The following DEDD2 variants were observed in gnomAD, a reference collection of about 807,000 sequenced individuals.
The protein encoded by DEDD2 is DNA-binding death effector domain-containing protein 2.
A neutral mutation model predicts 28.9 loss-of-function variants in DEDD2; 18 were observed. The observed-to-expected ratio is 0.62, with a 90% CI of 0.43 to 0.92. The LOEUF is 0.92. Among genes scored for constraint, DEDD2 ranks in the 40% least tolerant of loss-of-function variants. DEDD2 has a pLI of 0.00. For missense variants in DEDD2, 411 were observed against 463.3 expected, an observed-to-expected ratio of 0.89 and a Z score of 1.04; for synonymous variants, 211 against 206.1, an observed-to-expected ratio of 1.02 and a Z score of -0.20.
intron 1 of DEDD2, among the ~76,000 whole-genome samples, chr19:42,217,383 C>T (rs1412690057): frequency 6.6e-6 from 1 of 151,738 alleles, no homozygotes; most frequent in African/African-American, 2.4e-5. Context: ...ACTGCCCAGA[C>T]GAGCCCCTTT....
intron 3 of DEDD2, among the ~76,000 whole-genome samples, chr19:42,211,386 G>C (rs1316385300): frequency 2.2e-5 from 3 of 136,428 alleles, no homozygotes; most frequent in African/African-American, 8.0e-5. Context: ...CCCTCAAAGG[G>C]AGAAGGGAGA....
At chr19:42,203,421 T>C (rs1160493880) in intron 4 of DEDD2, among the ~76,000 whole-genome samples, 1 of 152,204 alleles carries the variant, frequency 6.6e-6, no homozygotes, top group Non-Finnish European at 1.5e-5. Context: ...TGAGCATTTA[T>C]GGAAGTCCAG....
intron 4 of DEDD2, among the ~76,000 whole-genome samples, chr19:42,207,155 AC>A (rs781132547): frequency 3.3e-5 from 5 of 151,720 alleles, no homozygotes; most frequent in Non-Finnish European, 7.4e-5. Context: ...ACCCCCTCAA[AC>A]CCTGCCGCGC....
intron 3 of DEDD2, among the ~76,000 whole-genome samples, chr19:42,210,403 T>C (rs1858514623): frequency 6.6e-6 from 1 of 152,110 alleles, no homozygotes; most frequent in African/African-American, 2.4e-5. Flanking sequence ...TTTCATACTT[T>C]TTTTTTTGAG....
intron 4 of DEDD2, among the ~76,000 whole-genome samples, chr19:42,206,516 GC>G (rs2035541538): frequency 6.6e-6 from 1 of 152,124 alleles, no homozygotes; most frequent in Non-Finnish European, 1.5e-5. Flanking sequence ...GCCAAGCTCT[GC>G]CCCCTGCCAC....
upstream of DEDD2, among the ~76,000 whole-genome samples, chr19:42,218,511 G>A (rs1260534275): frequency 1.3e-5 from 2 of 152,130 alleles, no homozygotes; most frequent in African/African-American, 4.8e-5. Flanking sequence ...GTCTGTCAGG[G>A]AGTCTAGGCT....
chr19:42,200,719 C>G (rs1284459495), intron 4 of DEDD2, among the ~76,000 whole-genome samples: 1 of 152,220 alleles, frequency 6.6e-6, no homozygotes, highest in Admixed American at 6.5e-5. Context: ...CTGAGGTCAT[C>G]ACATGAGCCC....
upstream of DEDD2, among the ~76,000 whole-genome samples, chr19:42,219,592 A>G (rs2036093748): frequency 6.6e-6 from 1 of 152,148 alleles, no homozygotes; most frequent in South Asian, 2.1e-4. Flanking sequence ...ACAGAGTGAG[A>G]CTCCGTCTCA....
intron 4 of DEDD2, among the ~76,000 whole-genome samples, chr19:42,201,073 C>T (rs1424873092): frequency 6.6e-6 from 1 of 152,214 alleles, no homozygotes; most frequent in African/African-American, 2.4e-5. Context: ...GCTTGAATCA[C>T]AGAAACTCAT....
At chr19:42,210,736 C>T (rs757863523) in intron 3 of DEDD2, among the ~76,000 whole-genome samples, 2 of 152,020 alleles carry the variant, frequency 1.3e-5, no homozygotes, top group Non-Finnish European at 2.9e-5. Flanking sequence ...AACTGATTTA[C>T]ACACTTAAAA....
Position 42,209,155 on chromosome 19 carries a change from T to C in DEDD2, c.589+545A>G, listed in dbSNP as rs187652043. ...ACTTGGGAGGCTGAGGCAGGAGAAC[T>C]GCTTGAACCCAGGAGGCGGAGGTTG... On this transcript the variant is annotated intron_variant, in intron 4 of 4. Transcript: ENST00000596251. 1.6e-3 allele frequency among the ~76,000 whole-genome samples: 247 copies of C among 152,100 alleles called. 3 individuals carry two copies. The highest frequency in any genetic ancestry group is 3.3e-3 in the Admixed American group (51 of 15,268).
rs910048172 is a variant in DEDD2, at chr19:42,199,346, G to C, written c.*92C>G. 26 of 1,435,936 alleles carry C rather than the reference G, an allele frequency of 1.8e-5. No individual in the cohort carries two copies. In the East Asian group the frequency reaches 4.5e-4, roughly 25 times the overall value. The allele number at this position is 1,435,936 out of a possible 1,614,324, so 88.9% of individuals were successfully genotyped here. Reference sequence around the variant, plus strand: ...CCTGTCGCAGTCCTCAAAGATGCTAGAGTGACAGTCCTCTAGGGGTAGAGA... The same window carrying C: ...CCTGTCGCAGTCCTCAAAGATGCTACAGTGACAGTCCTCTAGGGGTAGAGA... On this transcript the variant is annotated 3_prime_UTR_variant, in exon 5 of 5. Coordinates refer to ENST00000596251, the MANE Select transcript of DEDD2 (RefSeq NM_133328.4). The surrounding 1 kb of genome is among the most constrained non-coding windows in gnomAD (Gnocchi z 7.4).
At chr19:42,219,499 G>A (rs1246206053), upstream of DEDD2, among the ~76,000 whole-genome samples, 1 of 152,158 alleles carries the variant, frequency 6.6e-6, no homozygotes, top group African/African-American at 2.4e-5. Flanking sequence ...CTACTCGGGA[G>A]GCTAAGGCAG....
At chr19:42,217,588 G>C (rs147232456) in intron 1 of DEDD2, 44 bp downstream of exon 1, 1 of 157,386 alleles carries the variant, frequency 6.4e-6, no homozygotes, top group Admixed American at 6.5e-5. Flanking sequence ...AGGTGGTCCT[G>C]TCTACCCGCC....
chr19:42,214,993 A>G (rs2035906482), intron 3 of DEDD2, 140 bp downstream of exon 3: 2 of 1,265,688 alleles, frequency 1.6e-6, no homozygotes, highest in Non-Finnish European at 1.1e-6. Flanking sequence ...GAGTATCTGT[A>G]GCAATAAACA....
In DEDD2 at chr19:42,199,469, T is replaced by A; in HGVS notation, c.950A>T (p.Glu317Val). 1 of 1,610,380 alleles carries A rather than the reference T, an allele frequency of 6.2e-7. No individual in the cohort carries two copies. The highest frequency in any genetic ancestry group is 8.5e-7 in the Non-Finnish European group (1 of 1,178,650). ...GGCCTCTGTCGGGCGCCGCCCCCCT[T>A]CCTCCTCCATCAGCAACAGGCGGCG... is the stretch of plus-strand genomic sequence containing the variant. The part of the protein sequence containing the change: ...GRRRLLLMEE[E>V]GGRRPTEAS The change falls in exon 5 of 5, where the codon GAA becomes GTA. Residue 317 changes from glutamate to valine, a missense_variant. Around this residue, in one of 2 missense-constraint regions of DEDD2, gnomAD observed 129 missense variants for 189.9 expected, o/e 0.68. Coordinates refer to ENST00000596251, the MANE Select transcript of DEDD2 (RefSeq NM_133328.4). The surrounding 1 kb of genome is among the most constrained non-coding windows in gnomAD (Gnocchi z 7.4).
intron 4 of DEDD2, among the ~76,000 whole-genome samples, chr19:42,208,979 T>C (rs918301479): frequency 1.3e-5 from 2 of 152,216 alleles, no homozygotes; most frequent in African/African-American, 4.8e-5. Context: ...GGCTCACGCC[T>C]GTAATCCCAG....
chr19:42,219,246 G>A (rs2036084727), upstream of DEDD2, among the ~76,000 whole-genome samples: 1 of 151,864 alleles, frequency 6.6e-6, no homozygotes, highest in Non-Finnish European at 1.5e-5. Context: ...GGAGGTTGCC[G>A]TGAGCCGAGA....
intron 4 of DEDD2, among the ~76,000 whole-genome samples, chr19:42,202,749 C>A (rs1279714757): frequency 2.0e-5 from 3 of 152,200 alleles, no homozygotes; most frequent in Non-Finnish European, 4.4e-5. Flanking sequence ...AGTACTTTCA[C>A]CAGCCCCATT....
Sources: allele counts gnomAD v4.1 joint callset (sites outside exome capture counted in the v4.1 genomes callset), GRCh38; gene constraint gnomAD v4.1.1; regional missense constraint gnomAD v4.1.1; non-coding constraint Gnocchi (gnomAD v3.1); transcripts MANE v1.5; gene names NCBI Gene and HGNC (gene_info 2026-07-23, HGNC 2026-07-21).